RABGAP1L: variants seen among roughly 807,000 people sequenced by gnomAD.
RABGAP1L encodes RAB GTPase activating protein 1 like.
RABGAP1L carries 63 observed loss-of-function variants against 137.7 expected under a neutral mutation model. The observed-to-expected ratio is 0.46, with a 90% CI of 0.37 to 0.56. The LOEUF (loss-of-function observed/expected upper bound fraction) is 0.56, where lower values mean the gene tolerates loss of function less well. Among genes scored for constraint, RABGAP1L ranks in the 20% least tolerant of loss-of-function variants. The pLI is 0.00. For synonymous variants in RABGAP1L, 431 were observed against 433.7 expected, an observed-to-expected ratio of 0.99 and a Z score of 0.08; for missense variants, 1,095 against 1,244.0, an observed-to-expected ratio of 0.88 and a Z score of 1.80.
intron 19 of RABGAP1L, among the ~76,000 whole-genome samples, chr1:174,823,912 A>G (rs1252595159): frequency 1.3e-5 from 2 of 152,194 alleles, no homozygotes; most frequent in African/African-American, 2.4e-5. Context: ...GCCTCCCAAT[A>G]CTTTGGGATA....
intron 12 of RABGAP1L, among the ~76,000 whole-genome samples, chr1:174,392,596 A>G (rs1647288885): frequency 6.6e-6 from 1 of 152,214 alleles, no homozygotes; most frequent in African/African-American, 2.4e-5. Flanking sequence ...TATTAATGGG[A>G]TGAGTTTACT....
intron 14 of RABGAP1L, among the ~76,000 whole-genome samples, chr1:174,669,533 A>G (rs1030996395): frequency 1.3e-5 from 2 of 152,150 alleles, no homozygotes; most frequent in Non-Finnish European, 2.9e-5. Flanking sequence ...TGTGCCTTTG[A>G]AGTCATATCC....
rs543062641 is a variant in RABGAP1L, at chr1:174,683,484, C to CT, written c.1825-37dup. The CT allele has an allele frequency of 5.2e-3, 7,820 of 1,495,174 alleles. 31 individuals are homozygous for CT. Among genetic ancestry groups the CT allele is most frequent in the South Asian group, 8.1e-3 (704 of 86,998 alleles). The allele number at this position is 1,495,174 out of a possible 1,614,324, so 92.6% of individuals were successfully genotyped here. A position where few individuals can be genotyped will look rare whatever the true frequency, so the allele number is the denominator to read the frequency against. On this transcript the variant is annotated intron_variant, in intron 14 of 25. Coordinates refer to ENST00000681986, the MANE Select transcript of RABGAP1L (RefSeq NM_001366446.1). ...CTAACATTTAAGTTAAAATCTGTGA[C>CT]TATTTACGATATTTCTTTCTTTTCA...
chr1:174,708,689 C>T (rs971301895), intron 17 of RABGAP1L, among the ~76,000 whole-genome samples: 2 of 152,140 alleles, frequency 1.3e-5, no homozygotes, highest in Admixed American at 1.3e-4. Context: ...CCACCAGGGC[C>T]CTGAGTTTCA....
At chr1:174,958,109 G>T in intron 20 of RABGAP1L, 1 of 1,508,650 alleles carries the variant, frequency 6.6e-7, no homozygotes, top group African/African-American at 1.4e-5. Context: ...TTTCAAACTT[G>T]CCTCTGTCTG....
chr1:174,202,663 C>G (rs966081872), intron 1 of RABGAP1L, among the ~76,000 whole-genome samples: 3 of 152,260 alleles, frequency 2.0e-5, no homozygotes, highest in African/African-American at 4.8e-5. Context: ...TAATTAGATC[C>G]CATTTGTCAA....
chr1:174,163,583 A>G (rs1664676374), intron 1 of RABGAP1L, among the ~76,000 whole-genome samples: 1 of 150,654 alleles, frequency 6.6e-6, no homozygotes, highest in South Asian at 2.1e-4. Context: ...CTTTTAAAGT[A>G]GAAAACATTT....
intron 1 of RABGAP1L, among the ~76,000 whole-genome samples, chr1:174,182,209 T>C (rs1187930199): frequency 2.0e-5 from 3 of 152,138 alleles, no homozygotes; most frequent in Non-Finnish European, 4.4e-5. Context: ...GTTTCAGGGC[T>C]ATGGGAAGAA....
chr1:174,378,504 T>A (rs1323444403), intron 12 of RABGAP1L, among the ~76,000 whole-genome samples: 2 of 151,196 alleles, frequency 1.3e-5, no homozygotes, highest in East Asian at 1.9e-4. Flanking sequence ...GGTATCTCAT[T>A]GTGGTTTTGA....
chr1:174,489,506 G>A (rs898821936), intron 13 of RABGAP1L, among the ~76,000 whole-genome samples: 78 of 151,850 alleles, frequency 5.1e-4, no homozygotes, highest in African/African-American at 1.6e-3. Context: ...TTAGAATGGC[G>A]ATCATTAAAA....
At chr1:174,782,811 A>T (rs1687116145) in intron 18 of RABGAP1L, among the ~76,000 whole-genome samples, 1 of 152,204 alleles carries the variant, frequency 6.6e-6, no homozygotes, top group Non-Finnish European at 1.5e-5. Flanking sequence ...CCAATCAGGT[A>T]GTAAAGAGGG....
Position 174,811,973 on chromosome 1 carries a change from G to A in RABGAP1L, c.2340+13G>A. The A allele has an allele frequency of 6.4e-7, 1 of 1,569,430 alleles. No individual in the cohort carries two copies. The highest frequency in any genetic ancestry group is 8.6e-7 in the Non-Finnish European group (1 of 1,162,382). On this transcript the variant is annotated intron_variant, in intron 19 of 25. Transcript: ENST00000681986. Reference sequence around the variant, plus strand: ...TTGCAATATTAAAGTAAGAACATGAGTTTTTATATAATAAAGGTAAAATAT... The same window carrying A: ...TTGCAATATTAAAGTAAGAACATGAATTTTTATATAATAAAGGTAAAATAT...
chr1:174,933,499 A>G (rs1196594610), intron 19 of RABGAP1L, among the ~76,000 whole-genome samples: 1 of 152,124 alleles, frequency 6.6e-6, no homozygotes, highest in Admixed American at 6.6e-5. Flanking sequence ...AATGACTGAA[A>G]AGTACTGAAG....
chr1:174,822,154 G>A (rs534983979), intron 19 of RABGAP1L, among the ~76,000 whole-genome samples: 33 of 152,284 alleles, frequency 2.2e-4, no homozygotes, highest in African/African-American at 7.0e-4. Flanking sequence ...CCAGCTACTC[G>A]AGAGGCTGAG....
chr1:174,916,668 A>G (rs1660937045), intron 19 of RABGAP1L, among the ~76,000 whole-genome samples: 1 of 152,216 alleles, frequency 6.6e-6, no homozygotes, highest in Non-Finnish European at 1.5e-5. Flanking sequence ...GGCTGCGTTG[A>G]AGTCAGGAAA....
At chr1:174,328,002 T>TATATATATATATATATATAC (rs1680682247) in intron 11 of RABGAP1L, among the ~76,000 whole-genome samples, 1 of 122,994 alleles carries the variant, frequency 8.1e-6, no homozygotes, top group African/African-American at 4.3e-5. Context: ...TATATATATA[T>TATATATATATATATATATAC]ATATATATAT....
At chr1:174,542,071 C>T (rs1407234906) in intron 13 of RABGAP1L, among the ~76,000 whole-genome samples, 1 of 152,160 alleles carries the variant, frequency 6.6e-6, no homozygotes, top group Non-Finnish European at 1.5e-5. Flanking sequence ...TGTTGTGTCT[C>T]TGCCAGGCAT....
In RABGAP1L at chr1:174,829,100, GGCTGTGACTCT is replaced by G. The variant is rs1055255133; in HGVS notation, c.2340+17141_2340+17151del. On this transcript the variant is annotated intron_variant, in intron 19 of 25. Coordinates refer to ENST00000681986, the MANE Select transcript of RABGAP1L (RefSeq NM_001366446.1). ...GTTTCTCTCATTGTGAGGTCCTCAA[GGCTGTGACTCT>G]TCCTTGCCCCTCCCTAGATGCCTGA... Among the ~76,000 whole-genome samples, 6 of 147,778 alleles carry G rather than the reference GGCTGTGACTCT, an allele frequency of 4.1e-5. No individual in the cohort carries two copies. The East Asian group carries it at 6.3e-4, about 16-fold the overall frequency.
chr1:174,500,549 A>T (rs918723150), intron 13 of RABGAP1L, among the ~76,000 whole-genome samples: 1 of 152,198 alleles, frequency 6.6e-6, no homozygotes, highest in Non-Finnish European at 1.5e-5. Context: ...TACCCTGCAG[A>T]TATTCATAGT....
Sources: allele counts gnomAD v4.1 joint callset (sites outside exome capture counted in the v4.1 genomes callset), GRCh38; gene constraint gnomAD v4.1.1; transcripts MANE v1.5; gene names NCBI Gene and HGNC (gene_info 2026-07-23, HGNC 2026-07-21).